Variants in ANK2 observed in about 807,000 individuals in gnomAD.
ANK2 encodes the protein ankyrin 2.
Under a neutral mutation model 360.5 loss-of-function variants are expected in ANK2, and 83 were observed. The ratio of observed to expected loss-of-function variants is 0.23; its 90% CI spans 0.19 to 0.28. The LOEUF (loss-of-function observed/expected upper bound fraction) is 0.28, where lower values mean the gene tolerates loss of function less well. Among genes scored for constraint, ANK2 ranks in the 10% least tolerant of loss-of-function variants. ANK2 has a pLI of 1.00. For missense variants in ANK2, 4,201 were observed against 4,795.7 expected (o/e 0.88, Z 3.66); for synonymous variants, 1,740 against 1,759.5 (o/e 0.99, Z 0.28).
At chr4:112,999,232 A>G (rs998012225) in intron 2 of ANK2, among the ~76,000 whole-genome samples, 1 of 151,996 alleles carries the variant, frequency 6.6e-6, no homozygotes, top group Admixed American at 6.6e-5. Flanking sequence ...TTAAAAAACT[A>G]AAATAATGGT....
In ANK2 at chr4:113,159,426, T is replaced by A. The variant is rs55765617; in HGVS notation, c.85-14990T>A. On this transcript the variant is annotated intron_variant, in intron 1 of 45. Transcript: ENST00000357077. ...CTCTTTTATTTAGAAGGTTAATTAA[T>A]CTTACTGTAATTACAGGGGATACTG... Among the ~76,000 whole-genome samples, 647 of 152,224 alleles carry A rather than the reference T, an allele frequency of 4.3e-3. 9 individuals are homozygous for A. The highest frequency in any genetic ancestry group is 0.014 in the African/African-American group (601 of 41,556).
chr4:112,811,035 A>G, the ANK2 span, among the ~76,000 whole-genome samples: 2 of 149,692 alleles, frequency 1.3e-5, no homozygotes, highest in Non-Finnish European at 3.0e-5. Flanking sequence ...TCCTGGGTTC[A>G]CGCCATTCTC....
rs2092094030 is a variant in ANK2, at chr4:113,330,462, G to C, written c.3117G>C (p.Gln1039His). 6.2e-7 allele frequency: 1 copy of C among 1,613,982 alleles called. No individual in the cohort carries two copies. The change falls in exon 27 of 46, where the codon CAG (glutamine) becomes CAC (histidine). Residue 1039 changes from glutamine to histidine, a missense_variant. This residue lies in a region of ANK2 where 1,268 missense variants were observed against 1,650.8 expected (regional missense o/e 0.77). Transcript: ENST00000357077. ...TCGAAGTTGGACCTTCTGGTGCTCA[G>C]TTCCTTGGGTAAGGGTTTCTGATAA... is the stretch of plus-strand genomic sequence containing the variant. ...RLIEVGPSGA[Q>H]FLGKLHLPTA...
At chr4:113,348,395 C>A in intron 36 of ANK2, 87 bp downstream of exon 36, 1 of 1,418,186 alleles carries the variant, frequency 7.1e-7, no homozygotes, top group Non-Finnish European at 9.9e-7. Context: ...TGTTCTTAGA[C>A]GGGGTAGGCG....
At chr4:113,215,190 T>C (rs2099072090) in intron 4 of ANK2, among the ~76,000 whole-genome samples, 1 of 152,108 alleles carries the variant, frequency 6.6e-6, no homozygotes, top group African/African-American at 2.4e-5. Context: ...CAAATCCCAC[T>C]CTACTTCTGA....
chr4:112,707,808 C>CA, the ANK2 span, among the ~76,000 whole-genome samples: 1 of 152,066 alleles, frequency 6.6e-6, no homozygotes, highest in African/African-American at 2.4e-5. Flanking sequence ...AATAGTTATA[C>CA]AAAAAATGTG....
chr4:113,362,899 T>C (rs191624912), intron 39 of ANK2, among the ~76,000 whole-genome samples: 5 of 152,322 alleles, frequency 3.3e-5, no homozygotes, highest in Non-Finnish European at 4.4e-5. Context: ...CTACAACTAG[T>C]ATTTATCAAA....
intron 1 of ANK2, among the ~76,000 whole-genome samples, chr4:113,080,376 CTTA>C (rs2081923567): frequency 6.6e-6 from 1 of 152,140 alleles, no homozygotes; most frequent in East Asian, 1.9e-4. Flanking sequence ...TTGTGTGTGA[CTTA>C]TTGAAGGGGA....
At chr4:113,090,939 C>T (rs2087680156) in intron 1 of ANK2, among the ~76,000 whole-genome samples, 1 of 152,178 alleles carries the variant, frequency 6.6e-6, no homozygotes, top group Non-Finnish European at 1.5e-5. Context: ...AGGATTCAAA[C>T]ATGCCTCTGA....
At chr4:113,102,105 TGA>T (rs2092944252) in intron 1 of ANK2, among the ~76,000 whole-genome samples, 1 of 152,056 alleles carries the variant, frequency 6.6e-6, no homozygotes, top group Admixed American at 6.6e-5. Flanking sequence ...ACTGTTACAC[TGA>T]GAGGAATGGT....
rs534685852 is a variant in ANK2 at position 113,222,856 on chromosome 4, T to G, written c.385-9305T>G. Among the ~76,000 whole-genome samples the G allele has an allele frequency of 1.4e-4, 21 of 152,334 alleles. 1 individual carries two copies. In the South Asian group the frequency reaches 3.9e-3, roughly 29 times the overall value. On this transcript the variant is annotated intron_variant, in intron 4 of 45. Coordinates refer to ENST00000357077, the MANE Select transcript of ANK2 (RefSeq NM_001148.6). ...GTAGTTAAAATAATTTATAATATCC[T>G]AACCCTGGCTAAGAATTGTCAACTT...
chr4:112,774,445 G>T, the ANK2 span, among the ~76,000 whole-genome samples: 1 of 152,102 alleles, frequency 6.6e-6, no homozygotes. Flanking sequence ...AGAATGGCGT[G>T]AACCCGCGTG....
intron 1 of ANK2, among the ~76,000 whole-genome samples, chr4:113,132,453 A>G (rs1283163187): frequency 6.6e-6 from 1 of 152,174 alleles, no homozygotes; most frequent in African/African-American, 2.4e-5. Flanking sequence ...CCTTTTAATA[A>G]GTATGTGAAA....
chr4:113,361,304 A>G (rs2096207230), intron 39 of ANK2, among the ~76,000 whole-genome samples: 5 of 152,256 alleles, frequency 3.3e-5, no homozygotes, highest in South Asian at 2.1e-4. Flanking sequence ...AGTAAACAAC[A>G]CTAAAAATTG....
chr4:113,272,346 T>C (rs1268701454), intron 14 of ANK2, among the ~76,000 whole-genome samples: 2 of 152,218 alleles, frequency 1.3e-5, no homozygotes, highest in Non-Finnish European at 1.5e-5. Flanking sequence ...GTCTATGTGA[T>C]CAGGCTTCCC....
At chr4:112,713,784 A>AG in the ANK2 span, among the ~76,000 whole-genome samples, 1 of 151,752 alleles carries the variant, frequency 6.6e-6, no homozygotes, top group Non-Finnish European at 1.5e-5. Context: ...GCAAAAAAAA[A>AG]TTAGCCGGGC....
intron 1 of ANK2, among the ~76,000 whole-genome samples, chr4:113,094,117 G>A (rs1447875908): frequency 6.6e-6 from 1 of 152,130 alleles, no homozygotes; most frequent in Non-Finnish European, 1.5e-5. Flanking sequence ...TGAACATGCA[G>A]CCAACACATT....
Position 113,365,085 on chromosome 4 carries a change from T to A in ANK2, c.10935T>A (p.Ile3645=), listed in dbSNP as rs143932461. ...ECLTKINRMD[I]VHLMETNTEP... is the part of the protein sequence containing the mutation. ...TCACCAAGATCAACCGAATGGATAT[T>A]GTTCATCTCATGGAGACCAACACAG... The change falls in exon 41 of 46, where the codon ATT becomes ATA. Residue 3645 remains isoleucine, a synonymous_variant. Coordinates refer to ENST00000357077, the MANE Select transcript of ANK2 (RefSeq NM_001148.6). The A allele has an allele frequency of 6.2e-7, 1 of 1,614,024 alleles. No individual in the cohort carries two copies. Among genetic ancestry groups the A allele is most frequent in the Middle Eastern group, 1.6e-4 (1 of 6,062 alleles).
chr4:113,249,456 G>A (rs982369070), intron 9 of ANK2, among the ~76,000 whole-genome samples: 18 of 152,130 alleles, frequency 1.2e-4, no homozygotes, highest in African/African-American at 3.6e-4. Flanking sequence ...TCTTGAATAC[G>A]CAGACACATG....
Sources: gnomAD v4.1 joint callset for allele counts (sites outside exome capture counted in the v4.1 genomes callset) on GRCh38, gnomAD v4.1.1 for gene constraint, gnomAD v4.1.1 regional missense constraint, MANE v1.5 for transcripts, NCBI Gene and HGNC (gene_info 2026-07-23, HGNC 2026-07-21) for gene names.